Variants in TBC1D32 observed in about 807,000 individuals in gnomAD.
TBC1D32 encodes TBC1 domain family member 32.
In TBC1D32, 151 loss-of-function variants were observed where a neutral mutation model predicts 170.3. The observed-to-expected ratio is 0.89, with a 90% CI of 0.78 to 1.01. The LOEUF is 1.01. Ranked by LOEUF, TBC1D32 falls within the 50% of genes least tolerant of loss-of-function variation. The pLI is 0.00. For missense variants in TBC1D32, 1,464 were observed against 1,457.1 expected (o/e 1.00, Z -0.08); for synonymous variants, 498 against 488.0 (o/e 1.02, Z -0.27).
At chr6:121,282,369 A>G (rs567232901) in intron 13 of TBC1D32, among the ~76,000 whole-genome samples, 18 of 151,866 alleles carry the variant, frequency 1.2e-4, no homozygotes, top group African/African-American at 4.3e-4. Flanking sequence ...TCCTCAAAAC[A>G]ATAGTTTTTA....
At chr6:121,306,970 G>A (rs1028316861) in intron 5 of TBC1D32, among the ~76,000 whole-genome samples, 1 of 151,882 alleles carries the variant, frequency 6.6e-6, no homozygotes, top group African/African-American at 2.4e-5. Flanking sequence ...AAGCCCTTTC[G>A]AATAAACCAT....
At chr6:121,103,260 T>C (rs913645630) in intron 30 of TBC1D32, among the ~76,000 whole-genome samples, 4 of 152,110 alleles carry the variant, frequency 2.6e-5, no homozygotes, top group African/African-American at 9.7e-5. Context: ...TTATAAATCA[T>C]GCTGCTGTAA....
At chr6:121,178,899 C>A (rs998928855) in intron 22 of TBC1D32, among the ~76,000 whole-genome samples, 4 of 152,122 alleles carry the variant, frequency 2.6e-5, no homozygotes, top group Non-Finnish European at 5.9e-5. Context: ...AGTTAGGAAG[C>A]AGATCTTTCT....
Position 121,256,104 on chromosome 6 carries a change from T to C in TBC1D32, c.1915A>G (p.Ile639Val). The change falls in exon 16 of 32, where the codon ATA (isoleucine) becomes GTA (valine). Residue 639 changes from isoleucine to valine, a missense_variant. Ile to Val is a conservative substitution (Grantham distance 29, BLOSUM62 3). This residue lies in a region of TBC1D32 where 1,363 missense variants were observed against 1,338.1 expected (regional missense o/e 1.02). Transcript: ENST00000398212. ...CTTACCTTTTTCCATGCCTTTGCTA[T>C]AGATTCATGCAAATTATAAGTGATT... ...VLITYNLHESIAKAWKKTSLL... is the reference protein window; with the variant it reads ...VLITYNLHESVAKAWKKTSLL... The C allele has an allele frequency of 3.1e-6, 5 of 1,612,612 alleles. No individual in the cohort carries two copies. Among genetic ancestry groups the C allele is most frequent in the Non-Finnish European group, 3.4e-6 (4 of 1,179,694 alleles).
At chr6:121,256,873 T>C (rs543088540) in intron 15 of TBC1D32, among the ~76,000 whole-genome samples, 52 of 152,124 alleles carry the variant, frequency 3.4e-4, no homozygotes, top group African/African-American at 1.1e-3. Flanking sequence ...GGTTTCACCA[T>C]ATTGGCCAGA....
intron 1 of TBC1D32, among the ~76,000 whole-genome samples, chr6:121,328,161 T>G (rs2128511570): frequency 6.6e-6 from 1 of 152,328 alleles, no homozygotes; most frequent in East Asian, 1.9e-4. Context: ...TAATATAGCT[T>G]TGACTGACAT....
intron 15 of TBC1D32, among the ~76,000 whole-genome samples, chr6:121,264,320 A>G (rs1214947855): frequency 7.9e-5 from 12 of 152,178 alleles, no homozygotes; most frequent in Non-Finnish European, 1.5e-4. Context: ...AAACTAGAAA[A>G]TCTAGAAGAA....
intron 22 of TBC1D32, among the ~76,000 whole-genome samples, chr6:121,203,672 T>A (rs1236820837): frequency 6.6e-6 from 1 of 151,294 alleles, no homozygotes; most frequent in East Asian, 1.9e-4. Context: ...TCCTCCACTT[T>A]ACAGATGAGT....
intron 15 of TBC1D32, among the ~76,000 whole-genome samples, chr6:121,262,691 G>T (rs1799923837): frequency 1.3e-5 from 2 of 152,132 alleles, no homozygotes; most frequent in Admixed American, 1.3e-4. Context: ...TGGCCAGGCT[G>T]GTCTCGAACT....
At chr6:121,272,861 A>T (rs189244885) in intron 15 of TBC1D32, among the ~76,000 whole-genome samples, 153 of 152,362 alleles carry the variant, frequency 1.0e-3, no homozygotes, top group African/African-American at 3.5e-3. Context: ...AACCAACCCA[A>T]ATGTCCATCA....
At chr6:121,310,902 C>A in intron 3 of TBC1D32, 55 bp from the exon 4 acceptor site, 1 of 947,480 alleles carries the variant, frequency 1.1e-6, no homozygotes. Flanking sequence ...AGAACTATTG[C>A]TATAAGTTAT....
At chr6:121,153,465 T>G (rs1262387348) in intron 24 of TBC1D32, among the ~76,000 whole-genome samples, 11 of 152,146 alleles carry the variant, frequency 7.2e-5, no homozygotes, top group Non-Finnish European at 1.2e-4. Context: ...TCTGGAGGTA[T>G]GGGGTCAGGG....
At chr6:121,219,228 G>C (rs1206655165) in intron 21 of TBC1D32, among the ~76,000 whole-genome samples, 3 of 152,114 alleles carry the variant, frequency 2.0e-5, no homozygotes, top group Non-Finnish European at 2.9e-5. Context: ...GCAAACTACA[G>C]TGTGGTAAAT....
intron 3 of TBC1D32, among the ~76,000 whole-genome samples, chr6:121,316,202 T>G (rs956339166): frequency 1.3e-5 from 2 of 152,180 alleles, no homozygotes; most frequent in Admixed American, 6.6e-5. Flanking sequence ...GACAAGGTCT[T>G]AACTGCCAGC....
At chr6:121,146,719 A>G (rs1273709) in intron 24 of TBC1D32, among the ~76,000 whole-genome samples, 150,545 of 152,274 alleles carry the variant, frequency 0.99, 74,450 homozygotes, top group East Asian at 1. Context: ...CATAGATAAG[A>G]GGAGAAAATA....
At chr6:121,323,273 C>T (rs1442335544) in intron 1 of TBC1D32, among the ~76,000 whole-genome samples, 1 of 151,002 alleles carries the variant, frequency 6.6e-6, no homozygotes, top group Non-Finnish European at 1.5e-5. Context: ...TCAGAGATTA[C>T]TGCAGCAGCC....
intron 30 of TBC1D32, among the ~76,000 whole-genome samples, chr6:121,094,508 C>G (rs1479873639): frequency 1.3e-5 from 2 of 152,078 alleles, no homozygotes; most frequent in African/African-American, 4.8e-5. Context: ...AACTGACAAC[C>G]TAGAATTCTA....
chr6:121,243,035 C>A (rs1797185192), intron 17 of TBC1D32, among the ~76,000 whole-genome samples: 1 of 151,530 alleles, frequency 6.6e-6, no homozygotes, highest in African/African-American at 2.4e-5. Context: ...TTAGGAATAA[C>A]CACTTTTTAA....
intron 21 of TBC1D32, among the ~76,000 whole-genome samples, chr6:121,217,031 G>C (rs1793914575): frequency 6.6e-6 from 1 of 152,228 alleles, no homozygotes; most frequent in African/African-American, 2.4e-5. Context: ...GGACTTGAAA[G>C]ATGCAGGGAT....
Sources: allele counts gnomAD v4.1 joint callset (sites outside exome capture counted in the v4.1 genomes callset), GRCh38; gene constraint gnomAD v4.1.1; regional missense constraint gnomAD v4.1.1; transcripts MANE v1.5; gene names NCBI Gene and HGNC (gene_info 2026-07-23, HGNC 2026-07-21).